The following MEGF11 variants were observed in gnomAD, a reference collection of about 807,000 sequenced individuals.
MEGF11 encodes the protein multiple EGF like domains 11, also known as multiple epidermal growth factor-like domains protein 11.
In MEGF11, 126 loss-of-function variants were observed where a neutral mutation model predicts 146.6. That is an observed-to-expected ratio of 0.86 (90% CI 0.74 to 1.00). The LOEUF is 1.00. Ranked by LOEUF, MEGF11 falls within the 50% of genes least tolerant of loss-of-function variation. The probability of loss-of-function intolerance (pLI) is 0.00; values close to 1 mark genes in which losing one functional copy is unlikely to be tolerated. For synonymous variants in MEGF11, 532 were observed against 583.4 expected, an observed-to-expected ratio of 0.91 and a Z score of 1.27; for missense variants, 1,509 against 1,521.2, an observed-to-expected ratio of 0.99 and a Z score of 0.13.
At chr15:66,090,581 A>G (rs1012640731) in intron 5 of MEGF11, among the ~76,000 whole-genome samples, 1 of 152,234 alleles carries the variant, frequency 6.6e-6, no homozygotes, top group Non-Finnish European at 1.5e-5. Context: ...TATGTCACAC[A>G]CAACATACTC....
intron 11 of MEGF11, 26 bp from the exon 12 acceptor site, chr15:65,929,909 C>G (rs1033328871): frequency 1.3e-6 from 2 of 1,581,118 alleles, no homozygotes; most frequent in East Asian, 4.6e-5. Context: ...GGGACTGTCA[C>G]TTCTCCATCC....
rs546126027 is a variant in MEGF11 at position 65,959,623 on chromosome 15, A to G, written c.1113-1902T>C. Among the ~76,000 whole-genome samples, 8 of 152,338 alleles carry G rather than the reference A, an allele frequency of 5.3e-5. No homozygotes were observed. In the East Asian group the frequency reaches 1.2e-3, roughly 22 times the overall value. ...ATTTCTAAGACTCTATCCTAAGGAA[A>G]TAATCATAGCTGTGGAGAAAGATTT... On this transcript the variant is annotated intron_variant, in intron 9 of 25. Coordinates refer to ENST00000395614, the MANE Select transcript of MEGF11 (RefSeq NM_001385028.1).
At chr15:65,958,876 T>A (rs1264404672) in intron 9 of MEGF11, among the ~76,000 whole-genome samples, 2 of 152,300 alleles carry the variant, frequency 1.3e-5, no homozygotes, top group African/African-American at 4.8e-5. Flanking sequence ...ACAAGCCTTT[T>A]AGATTCCTTG....
At chr15:66,236,970 G>A (rs569646927) in intron 1 of MEGF11, among the ~76,000 whole-genome samples, 86 of 152,210 alleles carry the variant, frequency 5.7e-4, no homozygotes, top group South Asian at 3.3e-3. Context: ...GCCCGGCATG[G>A]GTCACATGCC....
intron 5 of MEGF11, among the ~76,000 whole-genome samples, chr15:66,077,693 C>T (rs984230848): frequency 5.3e-5 from 8 of 152,148 alleles, no homozygotes; most frequent in Non-Finnish European, 1.0e-4. Context: ...TCAGGGGATA[C>T]GGGTGAGAGG....
chr15:66,004,999 A>G (rs2082478066), intron 5 of MEGF11, among the ~76,000 whole-genome samples: 1 of 152,190 alleles, frequency 6.6e-6, no homozygotes, highest in African/African-American at 2.4e-5. Context: ...AAGCAGGTGG[A>G]TCGCTTGAGC....
At chr15:66,225,286 A>G (rs539674328) in intron 1 of MEGF11, among the ~76,000 whole-genome samples, 1 of 152,332 alleles carries the variant, frequency 6.6e-6, no homozygotes, top group Non-Finnish European at 1.5e-5. Flanking sequence ...GCCCTGCCTG[A>G]AAAAGAGGCC....
chr15:66,220,054 G>A (rs541397997), intron 1 of MEGF11, among the ~76,000 whole-genome samples: 2 of 152,254 alleles, frequency 1.3e-5, no homozygotes, highest in South Asian at 4.1e-4. Flanking sequence ...AATGACTGGT[G>A]TCCTTATGAG....
chr15:65,914,443 T>C (rs1016661858), intron 19 of MEGF11, among the ~76,000 whole-genome samples: 1 of 152,182 alleles, frequency 6.6e-6, no homozygotes, highest in African/African-American at 2.4e-5. Context: ...TTTGCTCATT[T>C]GTAACATGGG....
chr15:65,911,119 G>A (rs930760465), intron 21 of MEGF11, among the ~76,000 whole-genome samples: 1 of 152,198 alleles, frequency 6.6e-6, no homozygotes, highest in Non-Finnish European at 1.5e-5. Context: ...AACAGCCAGG[G>A]TTATGCTGGA....
At chr15:66,171,312 G>A (rs2090248845) in intron 1 of MEGF11, among the ~76,000 whole-genome samples, 1 of 152,204 alleles carries the variant, frequency 6.6e-6, no homozygotes, top group African/African-American at 2.4e-5. Flanking sequence ...GGGGAAGCTG[G>A]GACTGGGAGG....
At chr15:66,191,385 A>G (rs1279958613) in intron 1 of MEGF11, among the ~76,000 whole-genome samples, 1 of 152,218 alleles carries the variant, frequency 6.6e-6, no homozygotes, top group Non-Finnish European at 1.5e-5. Context: ...GCTCTGCATC[A>G]CATAGTTGGG....
At chr15:66,223,194 C>T (rs1024983342) in intron 1 of MEGF11, among the ~76,000 whole-genome samples, 1 of 152,116 alleles carries the variant, frequency 6.6e-6, no homozygotes, top group Admixed American at 6.6e-5. Flanking sequence ...CATGCTACAA[C>T]ACGGATGGAC....
chr15:66,000,022 G>T (rs774583605), intron 5 of MEGF11, among the ~76,000 whole-genome samples: 1 of 152,132 alleles, frequency 6.6e-6, no homozygotes, highest in Non-Finnish European at 1.5e-5. Context: ...TTAACCCACC[G>T]GACCTCTGGG....
intron 4 of MEGF11, among the ~76,000 whole-genome samples, chr15:66,098,648 G>A (rs562221118): frequency 6.5e-4 from 99 of 152,236 alleles, no homozygotes; most frequent in Non-Finnish European, 1.2e-3. Context: ...GTGCTCCAAG[G>A]CACATTGATC....
intron 10 of MEGF11, among the ~76,000 whole-genome samples, chr15:65,943,886 G>A (rs2080096382): frequency 6.6e-6 from 1 of 152,192 alleles, no homozygotes; most frequent in African/African-American, 2.4e-5. Context: ...CAGCGCCCTA[G>A]GTGAGGGCTG....
At chr15:65,955,796 A>ATATG (rs1567175157) in intron 10 of MEGF11, among the ~76,000 whole-genome samples, 5 of 57,334 alleles carry the variant, frequency 8.7e-5, no homozygotes, top group Non-Finnish European at 1.5e-4. Flanking sequence ...ATATATATAC[A>ATATG]CACACACACA....
chr15:65,935,907 G>T (rs1360851498), intron 10 of MEGF11, among the ~76,000 whole-genome samples: 1 of 152,206 alleles, frequency 6.6e-6, no homozygotes, highest in African/African-American at 2.4e-5. Flanking sequence ...TGACTGGCCA[G>T]TCTCCGGTGA....
Position 65,964,975 on chromosome 15 carries a change from A to C in MEGF11, c.1045T>G (p.Cys349Gly). The C allele has an allele frequency of 6.4e-7, 1 of 1,570,176 alleles. No homozygotes were observed. The highest frequency in any genetic ancestry group is 8.6e-7 in the Non-Finnish European group (1 of 1,158,026). ...CCTGGGCCATGCAGGCCCTCCGGGC[A>C]CAGTCGCTCCTGGCAGCGTGGGCCC... ...YKGPRCQERLCPEGLHGPGCT... is the reference protein window; with the variant it reads ...YKGPRCQERLGPEGLHGPGCT... Residue 349 changes from cysteine (C) to glycine (G), a missense_variant, in exon 9 of 26, where the codon TGC (cysteine) becomes GGC (glycine). By Grantham distance (159) the Cys-to-Gly change is radical. Coordinates refer to ENST00000395614, the MANE Select transcript of MEGF11 (RefSeq NM_001385028.1).
Sources: allele counts gnomAD v4.1 joint callset (sites outside exome capture counted in the v4.1 genomes callset), GRCh38; gene constraint gnomAD v4.1.1; transcripts MANE v1.5; gene names NCBI Gene and HGNC (gene_info 2026-07-23, HGNC 2026-07-21).